Variants in NCAM1 observed in about 807,000 individuals in gnomAD.
The protein encoded by NCAM1 is neural cell adhesion molecule 1.
In NCAM1, 14 loss-of-function variants were observed where a neutral mutation model predicts 109.8. The ratio of observed to expected loss-of-function variants is 0.13; its 90% CI spans 0.08 to 0.20. The LOEUF (loss-of-function observed/expected upper bound fraction) is 0.20. Ranked by LOEUF, NCAM1 falls within the 10% of genes least tolerant of loss-of-function variation. The pLI is 1.00. For synonymous variants in NCAM1, 418 were observed against 442.9 expected, an observed-to-expected ratio of 0.94 and a Z score of 0.70; for missense variants, 774 against 1,109.9, an observed-to-expected ratio of 0.70 and a Z score of 4.30.
At chr11:113,059,592 G>A (rs2135473055) in intron 1 of NCAM1, among the ~76,000 whole-genome samples, 1 of 152,138 alleles carries the variant, frequency 6.6e-6, no homozygotes, top group African/African-American at 2.4e-5. Flanking sequence ...GGGGTCGCAG[G>A]TGGACACTTC....
rs569262741 is a variant in NCAM1 at position 113,235,562 on chromosome 11, A to G, written c.1825+398A>G. Among the ~76,000 whole-genome samples the G allele has an allele frequency of 3.9e-5, 6 of 152,360 alleles. No individual in the cohort carries two copies. In the East Asian group the frequency reaches 1.2e-3, roughly 29 times the overall value. On this transcript the variant is annotated intron_variant, in intron 14 of 19. Transcript: ENST00000316851. ...TTGCAGGAAGAGGGTAAAGATGGTGACAGTTCACATAATGCATTGCGGGAT... is the reference window on the plus strand; with the variant it reads ...TTGCAGGAAGAGGGTAAAGATGGTGGCAGTTCACATAATGCATTGCGGGAT...
chr11:113,041,621 G>A (rs1953076679), intron 1 of NCAM1, among the ~76,000 whole-genome samples: 1 of 152,188 alleles, frequency 6.6e-6, no homozygotes, highest in Non-Finnish European at 1.5e-5. Context: ...AACATTTAAT[G>A]AAAGAAGATA....
chr11:113,017,635 T>TGTGTGTGTGTGTGTGTGTGTGTG (rs1555075495), intron 1 of NCAM1, among the ~76,000 whole-genome samples: 1 of 145,178 alleles, frequency 6.9e-6, no homozygotes, highest in Non-Finnish European at 1.5e-5. Flanking sequence ...CAGTACTGTT[T>TGTGTGTGTGTGTGTGTGTGTGTG]TGTGTGTGTG....
At chr11:113,118,811 G>C (rs2136013504) in intron 1 of NCAM1, among the ~76,000 whole-genome samples, 1 of 152,064 alleles carries the variant, frequency 6.6e-6, no homozygotes, top group Admixed American at 6.5e-5. Flanking sequence ...GAATGAAAAT[G>C]AGCCATTAAA....
intron 9 of NCAM1, among the ~76,000 whole-genome samples, chr11:113,224,308 C>T (rs550198425): frequency 1.3e-5 from 2 of 152,360 alleles, no homozygotes; most frequent in Non-Finnish European, 2.9e-5. Context: ...CTCAGAGGGT[C>T]CTACGCCCAC....
chr11:113,157,765 A>G (rs180917851), intron 1 of NCAM1, among the ~76,000 whole-genome samples: 1 of 152,178 alleles, frequency 6.6e-6, no homozygotes, highest in African/African-American at 2.4e-5. Flanking sequence ...CAAAACAAAA[A>G]GTATCAAGAG....
chr11:113,247,842 G>A (rs1210130838), intron 15 of NCAM1, among the ~76,000 whole-genome samples: 1 of 152,078 alleles, frequency 6.6e-6, no homozygotes, highest in Admixed American at 6.6e-5. Flanking sequence ...CCCAAAATAC[G>A]GTATTTTCAT....
intron 1 of NCAM1, among the ~76,000 whole-genome samples, chr11:113,131,610 G>A (rs1941382073): frequency 6.6e-6 from 1 of 152,174 alleles, no homozygotes; most frequent in Non-Finnish European, 1.5e-5. Context: ...GGACAGCAGG[G>A]GTTGATGTCT....
Position 113,220,315 on chromosome 11 carries a change from A to G in NCAM1, c.1060-981A>G, listed in dbSNP as rs45481401. Among the ~76,000 whole-genome samples, 464 of 152,262 alleles carry G rather than the reference A, an allele frequency of 3.0e-3. 2 individuals carry two copies. Among genetic ancestry groups the G allele is most frequent in the Non-Finnish European group, 5.3e-3 (363 of 68,020 alleles). On this transcript the variant is annotated intron_variant, in intron 8 of 19. Transcript: ENST00000316851. ...GGAGATGGTACATGCTGGAGTCCACATACCATCTGTGCATTCTCTGCTGTT... is the reference window on the plus strand; with the variant it reads ...GGAGATGGTACATGCTGGAGTCCACGTACCATCTGTGCATTCTCTGCTGTT...
chr11:112,984,055 G>T (rs1023373892), intron 1 of NCAM1, among the ~76,000 whole-genome samples: 1 of 151,734 alleles, frequency 6.6e-6, no homozygotes, highest in Non-Finnish European at 1.5e-5. Flanking sequence ...CTTCCCATTA[G>T]CTCCTCTCCT....
At chr11:113,222,806 C>A (rs1555115541) in intron 9 of NCAM1, among the ~76,000 whole-genome samples, 1 of 152,164 alleles carries the variant, frequency 6.6e-6, no homozygotes, top group Non-Finnish European at 1.5e-5. Context: ...CCCATGAAAG[C>A]AGACACCTCA....
At chr11:113,084,194 T>G (rs1047864840) in intron 1 of NCAM1, among the ~76,000 whole-genome samples, 5 of 152,102 alleles carry the variant, frequency 3.3e-5, no homozygotes, top group Admixed American at 1.3e-4. Flanking sequence ...ATACAGACTT[T>G]AAGGAGGCGC....
chr11:112,966,493 A>G (rs1471786885), intron 1 of NCAM1, among the ~76,000 whole-genome samples: 1 of 152,212 alleles, frequency 6.6e-6, no homozygotes, highest in Non-Finnish European at 1.5e-5. Context: ...ACTATTTTTA[A>G]CAATACAGGT....
chr11:113,146,737 C>G (rs2136234916), intron 1 of NCAM1, among the ~76,000 whole-genome samples: 1 of 152,244 alleles, frequency 6.6e-6, no homozygotes, highest in South Asian at 2.1e-4. Flanking sequence ...TGGGACTGGA[C>G]AAGGCCTAGC....
At chr11:113,190,588 G>C (rs1555109676) in intron 1 of NCAM1, among the ~76,000 whole-genome samples, 1 of 152,160 alleles carries the variant, frequency 6.6e-6, no homozygotes, top group Non-Finnish European at 1.5e-5. Flanking sequence ...TTCCTACCCT[G>C]ATGAGTGGTG....
chr11:113,044,828 G>A (rs1211121235), intron 1 of NCAM1, among the ~76,000 whole-genome samples: 2 of 151,928 alleles, frequency 1.3e-5, no homozygotes, highest in Admixed American at 6.6e-5. Flanking sequence ...ATCTCGGCTC[G>A]CTGAAAGCTC....
intron 15 of NCAM1, 26 bp downstream of exon 15, chr11:113,246,396 A>C (rs782057146): frequency 1.1e-5 from 8 of 736,406 alleles, no homozygotes; most frequent in Non-Finnish European, 2.0e-5. Flanking sequence ...CTGATTAGTG[A>C]AATAAATCTG....
Position 113,275,498 on chromosome 11 carries a change from G to GCA in NCAM1, c.*122_*123dup, listed in dbSNP as rs565929969. On this transcript the variant is annotated 3_prime_UTR_variant, in exon 20 of 20. Coordinates refer to ENST00000316851, the MANE Select transcript of NCAM1 (RefSeq NM_181351.5). ...CGCACGCACACACACAAACACACATGCACACACACACATCTCATTTCTCTA... is the reference window on the plus strand; with the variant it reads ...CGCACGCACACACACAAACACACATGCACACACACACACATCTCATTTCTCTA... The GCA allele has an allele frequency of 7.4e-5, 93 of 1,259,890 alleles. No individual in the cohort carries two copies. Among genetic ancestry groups the GCA allele is most frequent in the South Asian group, 1.1e-4 (7 of 66,410 alleles). 78.0% of individuals were successfully genotyped at this position (1,259,890 alleles called of 1,614,324 possible). A position where few individuals can be genotyped will look rare whatever the true frequency, so the allele number is the denominator to read the frequency against.
intron 1 of NCAM1, among the ~76,000 whole-genome samples, chr11:113,145,978 A>T (rs913983629): frequency 1.3e-5 from 2 of 152,218 alleles, no homozygotes; most frequent in Non-Finnish European, 2.9e-5. Flanking sequence ...TTTAATCAAA[A>T]TTGCTCATAA....
Sources: gnomAD v4.1 joint callset for allele counts (sites outside exome capture counted in the v4.1 genomes callset) on GRCh38, gnomAD v4.1.1 for gene constraint, MANE v1.5 for transcripts, NCBI Gene and HGNC (gene_info 2026-07-23, HGNC 2026-07-21) for gene names.